The following MGAM variants were observed in gnomAD, a reference collection of about 807,000 sequenced individuals.
MGAM encodes maltase-glucoamylase.
MGAM carries 253 observed loss-of-function variants against 358.8 expected under a neutral mutation model. That is an observed-to-expected ratio of 0.71 (90% CI 0.64 to 0.78). MGAM has a LOEUF of 0.78. Among genes scored for constraint, MGAM ranks in the 30% least tolerant of loss-of-function variants. The pLI, the probability that MGAM is intolerant of heterozygous loss-of-function variation, is 0.00. For synonymous variants in MGAM, 1,105 were observed against 1,227.1 expected, an observed-to-expected ratio of 0.90 and a Z score of 2.08; for missense variants, 3,080 against 3,432.6, an observed-to-expected ratio of 0.90 and a Z score of 2.57.
At chr7:142,027,288 A>G in intron 9 of MGAM, 61 bp downstream of exon 9, 2 of 1,364,456 alleles carry the variant, frequency 1.5e-6, no homozygotes, top group Non-Finnish European at 2.1e-6. Flanking sequence ...ATTTTAAAAA[A>G]GTAAAATTCA....
intron 37 of MGAM, among the ~76,000 whole-genome samples, chr7:142,065,096 T>C (rs993990170): frequency 2.0e-5 from 3 of 152,126 alleles, no homozygotes; most frequent in Non-Finnish European, 4.4e-5. Flanking sequence ...TCCTTAGTAT[T>C]TTGGGAGTAC....
At chr7:142,012,251 A>G (rs1311260631) in intron 3 of MGAM, among the ~76,000 whole-genome samples, 1 of 152,176 alleles carries the variant, frequency 6.6e-6, no homozygotes, top group African/African-American at 2.4e-5. Context: ...AATTTATCAA[A>G]CACAGAAATT....
intron 55 of MGAM, 86 bp downstream of exon 55, chr7:142,086,047 G>A: frequency 6.6e-7 from 1 of 1,504,520 alleles, no homozygotes; most frequent in Non-Finnish European, 9.1e-7. Flanking sequence ...TTTCCATGTT[G>A]CAAGTAGATA....
At chr7:142,079,831 T>G (rs954478084) in intron 49 of MGAM, among the ~76,000 whole-genome samples, 2 of 146,356 alleles carry the variant, frequency 1.4e-5, no homozygotes, top group African/African-American at 4.9e-5. Flanking sequence ...ATTCTGAGTT[T>G]TTGTACATCG....
In MGAM at chr7:142,044,845, C is replaced by T. The variant is rs62650371; in HGVS notation, c.2499-2940C>T. On this transcript the variant is annotated intron_variant, in intron 21 of 70. Transcript: ENST00000475668. ...AATATATGATATATAATGTATATTA[C>T]ATACACGTGTAATATATGATATATA... is the stretch of plus-strand genomic sequence containing the variant. Among the ~76,000 whole-genome samples the T allele has an allele frequency of 7.9e-3, 319 of 40,494 alleles. 1 individual carries two copies. The highest frequency in any genetic ancestry group is 0.01 in the Non-Finnish European group (206 of 20,462). The allele number at this position is 40,494 out of a possible 152,430, so 26.6% of individuals were successfully genotyped here.
chr7:142,104,470 T>C (rs1199807811), intron 70 of MGAM, among the ~76,000 whole-genome samples: 1 of 152,254 alleles, frequency 6.6e-6, no homozygotes, highest in Non-Finnish European at 1.5e-5. Context: ...ATTTCCTCTG[T>C]ACTGCAAAAG....
At position 142,030,499 on chromosome 7, in the gene MGAM, T is replaced by C; in HGVS notation, c.1353+6T>C. On this transcript the variant is annotated splice_donor_region_variant and intron_variant, in intron 11 of 70. Transcript: ENST00000475668. ...AGAAGCTTGTCATCATTGTGGTATG[T>C]ACTGCCCTCTTTCCACCAAATTAGG... The C allele has an allele frequency of 6.2e-7, 1 of 1,613,568 alleles. No individual in the cohort carries two copies. The highest frequency in any genetic ancestry group is 8.5e-7 in the Non-Finnish European group (1 of 1,179,666).
Position 142,055,710 on chromosome 7 carries a change from G to A in MGAM, c.3467G>A (p.Arg1156Gln), listed in dbSNP as rs190285241. Residue 1156 changes from arginine (R) to glutamine (Q), a missense_variant, in exon 28 of 71, where the codon CGA becomes CAA. Coordinates refer to ENST00000475668, the MANE Select transcript of MGAM (RefSeq NM_001365693.1). ...LEWHTWGMFS[R>Q]DQPPGYKKNS... ...TGGCACACTTGGGGGATGTTCTCCC[G>A]AGACCAGCCCCCAGGGGTAAGGACA... 3.8e-5 allele frequency: 61 copies of A among 1,613,828 alleles called. No individual in the cohort carries two copies. Among genetic ancestry groups the A allele is most frequent in the Admixed American group, 1.7e-4 (10 of 59,990 alleles).
At position 142,056,942 on chromosome 7, in the gene MGAM, G is replaced by T; in HGVS notation, c.3693G>T (p.Glu1231Asp). 6.2e-7 allele frequency: 1 copy of T among 1,613,448 alleles called. No individual in the cohort carries two copies. The highest frequency in any genetic ancestry group is 8.5e-7 in the Non-Finnish European group (1 of 1,179,580). The change falls in exon 30 of 71, where the codon GAG (glutamate) becomes GAT (aspartate). Residue 1231 changes from glutamate to aspartate, a missense_variant and splice_region_variant. Glu to Asp is a conservative substitution (Grantham distance 45). This residue lies in a region of MGAM where 1,816 missense variants were observed against 1,840.5 expected (regional missense o/e 0.99). Coordinates refer to ENST00000475668, the MANE Select transcript of MGAM (RefSeq NM_001365693.1). ...AGCTTGTCACCCAGCAGTACACTGA[G>T]GTAGGGGGAAATCCAATTGTTTATC... ...TPELVTQQYT[E>D]LIGRPVMVPY...
rs1302118151 is a variant in MGAM, at chr7:142,070,981, C to T, written c.5062-13C>T. 1 of 1,555,676 alleles carries T rather than the reference C, an allele frequency of 6.4e-7. No individual in the cohort carries two copies. ...CCTCTCCTTCATCATCTTTTACCTT[C>T]TTCTGCCCCCAGGGTGTGGATATTA... is the stretch of plus-strand genomic sequence containing the variant. On this transcript the variant is annotated splice_polypyrimidine_tract_variant and intron_variant, in intron 43 of 70. Coordinates refer to ENST00000475668, the MANE Select transcript of MGAM (RefSeq NM_001365693.1).
intron 57 of MGAM, among the ~76,000 whole-genome samples, chr7:142,088,010 G>C (rs1814913691): frequency 6.8e-6 from 1 of 146,364 alleles, no homozygotes. Flanking sequence ...ATCCAGATAA[G>C]CTGGTTTTCA....
rs67998329 is a variant in MGAM at position 142,055,558 on chromosome 7, T to C, written c.3315T>C (p.Ile1105=). 311,759 of 1,613,450 alleles carry C rather than the reference T, an allele frequency of 0.19. 31,413 individuals carry two copies. Among genetic ancestry groups the C allele is most frequent in the Middle Eastern group, 0.3 (1,842 of 6,060 alleles). ...EIRRKSTGTI[I]WDSQLLGFTF... ...TCAAATCTGCGTTTTTGTGTTTCAG[T>C]TGGGACTCTCAGCTCCTTGGCTTTA... The change falls in exon 28 of 71, where the codon ATT becomes ATC. Residue 1105 remains isoleucine, a splice_region_variant and synonymous_variant. Transcript: ENST00000475668.
intron 21 of MGAM, among the ~76,000 whole-genome samples, chr7:142,043,979 AATAT>A (rs1184739313): frequency 8.0e-6 from 1 of 125,428 alleles, no homozygotes; most frequent in African/African-American, 3.4e-5. Context: ...TACGACGTAT[AATAT>A]ATACATTATA....
In MGAM at chr7:142,045,663, A is replaced by G. The variant is rs185627968; in HGVS notation, c.2499-2122A>G. On this transcript the variant is annotated intron_variant, in intron 21 of 70. Transcript: ENST00000475668. ...ATAATATATATTATATACATACAAT[A>G]TATGAATATATAATATATATTATAT... Among the ~76,000 whole-genome samples, 362 of 78,010 alleles carry G rather than the reference A, an allele frequency of 4.6e-3. 13 individuals carry two copies. Among genetic ancestry groups the G allele is most frequent in the African/African-American group, 0.026 (328 of 12,784 alleles). The allele number at this position is 78,010 out of a possible 152,430, so 51.2% of individuals were successfully genotyped here.
chr7:142,047,254 A>T (rs1413272171), intron 21 of MGAM, among the ~76,000 whole-genome samples: 1 of 152,186 alleles, frequency 6.6e-6, no homozygotes, highest in East Asian at 1.9e-4. Flanking sequence ...TATAGAGTAG[A>T]TTAGAATGAT....
In MGAM at chr7:142,047,729, C is replaced by T. The variant is rs759521834; in HGVS notation, c.2499-56C>T. 32 of 1,489,452 alleles carry T rather than the reference C, an allele frequency of 2.1e-5. No homozygotes were observed. In the East Asian group the frequency reaches 4.1e-4, roughly 19 times the overall value. 92.3% of individuals were successfully genotyped at this position (1,489,452 alleles called of 1,614,324 possible). A position where few individuals can be genotyped will look rare whatever the true frequency, so the allele number is the denominator to read the frequency against. On this transcript the variant is annotated intron_variant, in intron 21 of 70. Coordinates refer to ENST00000475668, the MANE Select transcript of MGAM (RefSeq NM_001365693.1). ...AAATTTGATGGAAATATTCTCAGCT[C>T]GGCTGGCAAAATTCTCTGACTCCTG...
intron 1 of MGAM, among the ~76,000 whole-genome samples, chr7:142,000,021 G>A (rs1459082210): frequency 6.6e-6 from 1 of 151,966 alleles, no homozygotes; most frequent in Non-Finnish European, 1.5e-5. Flanking sequence ...TTAATAAACA[G>A]CAAACATGTT....
chr7:142,052,978 G>A lies in MGAM; in HGVS notation c.3153G>A (p.Gln1051=). 31 of 1,613,756 alleles carry A rather than the reference G, an allele frequency of 1.9e-5. No homozygotes were observed. The highest frequency in any genetic ancestry group is 2.6e-5 in the Non-Finnish European group (31 of 1,179,760). The stretch of plus-strand genomic sequence containing the variant: ...CTTACCATAAGAATGAAATGCTGCA[G>A]TTCAAGGTAAACACAGTACATGTAT... The part of the protein sequence containing the change: ...DVTYHKNEML[Q]FKIYDPNKNR... Residue 1051 remains glutamine, a synonymous_variant, in exon 26 of 71, where the codon CAG becomes CAA. Coordinates refer to ENST00000475668, the MANE Select transcript of MGAM (RefSeq NM_001365693.1).
intron 20 of MGAM, 122 bp from the exon 21 acceptor site, chr7:142,040,600 G>A: frequency 1.6e-6 from 2 of 1,287,920 alleles, no homozygotes; most frequent in East Asian, 2.6e-5. Context: ...TTGATTGCCT[G>A]GCTAGACCAT....
Sources: allele counts gnomAD v4.1 joint callset (sites outside exome capture counted in the v4.1 genomes callset), GRCh38; gene constraint gnomAD v4.1.1; regional missense constraint gnomAD v4.1.1; transcripts MANE v1.5; gene names NCBI Gene and HGNC (gene_info 2026-07-23, HGNC 2026-07-21).